PHACTR3: variants seen among roughly 807,000 people sequenced by gnomAD.
PHACTR3 encodes protein phosphatase 1, regulatory subunit 123.
A neutral mutation model predicts 66.8 loss-of-function variants in PHACTR3; 16 were observed. The observed-to-expected ratio is 0.24, with a 90% CI of 0.16 to 0.36. The LOEUF (loss-of-function observed/expected upper bound fraction) is 0.36. Ranked by LOEUF, PHACTR3 falls within the 10% of genes least tolerant of loss-of-function variation. The pLI, the probability that PHACTR3 is intolerant of heterozygous loss-of-function variation, is 1.00. For synonymous variants in PHACTR3, 323 were observed against 292.1 expected (o/e 1.11, Z -1.08); for missense variants, 647 against 719.9 (o/e 0.90, Z 1.16).
chr20:59,802,171 G>A (rs1464289384), intron 7 of PHACTR3, among the ~76,000 whole-genome samples: 5 of 152,190 alleles, frequency 3.3e-5, no homozygotes, highest in African/African-American at 9.6e-5. Context: ...GGTGAAGAAA[G>A]CTGAATGTGC....
In PHACTR3 at chr20:59,688,895, G is replaced by A. The variant is rs540637164; in HGVS notation, c.119-54212G>A. Among the ~76,000 whole-genome samples, 5 of 152,248 alleles carry A rather than the reference G, an allele frequency of 3.3e-5. No individual in the cohort carries two copies. In the East Asian group the frequency reaches 5.8e-4, roughly 18 times the overall value. On this transcript the variant is annotated intron_variant, in intron 1 of 12. Transcript: ENST00000371015. ...GTTGTAGGAAGTAAGCTTTGTTCTC[G>A]TGGGCTTGGGCTGGGCAACGCTGTG...
intron 1 of PHACTR3, among the ~76,000 whole-genome samples, chr20:59,730,359 C>T (rs1406723227): frequency 1.3e-5 from 2 of 152,132 alleles, no homozygotes; most frequent in Non-Finnish European, 2.9e-5. Context: ...TGGGAAAGCA[C>T]TTAATGAGCG....
chr20:59,723,540 A>G (rs1296603931), intron 1 of PHACTR3, among the ~76,000 whole-genome samples: 3 of 152,116 alleles, frequency 2.0e-5, no homozygotes, highest in Non-Finnish European at 4.4e-5. Flanking sequence ...CTTTGTGTCT[A>G]TTATGAGTAG....
intron 1 of PHACTR3, among the ~76,000 whole-genome samples, chr20:59,737,346 G>T (rs539698838): frequency 3.3e-5 from 5 of 152,288 alleles, no homozygotes; most frequent in South Asian, 4.2e-4. Flanking sequence ...CCCCTGGCAC[G>T]TGCCTGAGCT....
chr20:59,809,536 T>C (rs1427354710), intron 8 of PHACTR3, among the ~76,000 whole-genome samples: 1 of 152,242 alleles, frequency 6.6e-6, no homozygotes, highest in Non-Finnish European at 1.5e-5. Context: ...TTTAGGAGTT[T>C]ACTTTTGAAG....
At chr20:59,761,134 A>G (rs554488194) in intron 4 of PHACTR3, among the ~76,000 whole-genome samples, 1 of 152,270 alleles carries the variant, frequency 6.6e-6, no homozygotes, top group Admixed American at 6.5e-5. Flanking sequence ...TGCAGGCTTC[A>G]GGTCAGATAC....
chr20:59,726,760 C>T (rs1441316025), intron 1 of PHACTR3, among the ~76,000 whole-genome samples: 3 of 152,024 alleles, frequency 2.0e-5, no homozygotes, highest in Non-Finnish European at 2.9e-5. Context: ...ATGCTGTTGA[C>T]GGTTTGGATA....
chr20:59,684,852 G>T (rs556525740), intron 1 of PHACTR3, among the ~76,000 whole-genome samples: 1 of 152,306 alleles, frequency 6.6e-6, no homozygotes, highest in Admixed American at 6.5e-5. Flanking sequence ...AACACAAACT[G>T]CTGGGCTCCA....
chr20:59,756,835 C>A (rs2039813050), intron 4 of PHACTR3, among the ~76,000 whole-genome samples: 1 of 152,164 alleles, frequency 6.6e-6, no homozygotes, highest in South Asian at 2.1e-4. Context: ...CCCCACCAAG[C>A]AATGGCAACA....
intron 8 of PHACTR3, among the ~76,000 whole-genome samples, chr20:59,831,972 G>A (rs192341335): frequency 1.3e-3 from 202 of 152,304 alleles, no homozygotes; most frequent in African/African-American, 4.7e-3. Context: ...GCGACTGTGT[G>A]TCAGGGCAGG....
chr20:59,624,725 CT>C (rs1568941654), intron 1 of PHACTR3, among the ~76,000 whole-genome samples: 1 of 152,080 alleles, frequency 6.6e-6, no homozygotes, highest in African/African-American at 2.4e-5. Context: ...CTGGAGCCCC[CT>C]AACTCAGTCT....
intron 1 of PHACTR3, among the ~76,000 whole-genome samples, chr20:59,663,971 A>G (rs564330494): frequency 3.8e-4 from 58 of 152,354 alleles, no homozygotes; most frequent in African/African-American, 1.3e-3. Flanking sequence ...ATGTTGATGC[A>G]TATTGAAACG....
chr20:59,613,973 A>G (rs1220103287), intron 1 of PHACTR3, among the ~76,000 whole-genome samples: 1 of 152,240 alleles, frequency 6.6e-6, no homozygotes, highest in Non-Finnish European at 1.5e-5. Context: ...CTCTTGTTAT[A>G]AAAGGAGCCA....
intron 1 of PHACTR3, among the ~76,000 whole-genome samples, chr20:59,649,853 T>A (rs1332331745): frequency 6.6e-6 from 1 of 152,186 alleles, no homozygotes; most frequent in Admixed American, 6.5e-5. Flanking sequence ...GGTTCCTGTT[T>A]TTTGCCCTGA....
intron 1 of PHACTR3, among the ~76,000 whole-genome samples, chr20:59,646,041 C>T (rs956471684): frequency 1.2e-4 from 19 of 152,166 alleles, no homozygotes; most frequent in African/African-American, 2.4e-4. Flanking sequence ...TGCCCAGTCC[C>T]GTGGGCAGTT....
chr20:59,723,060 C>CTTTCTCTT (rs1555823459), intron 1 of PHACTR3, among the ~76,000 whole-genome samples: 2 of 118,664 alleles, frequency 1.7e-5, no homozygotes, highest in Admixed American at 9.0e-5. Flanking sequence ...TTCTTTCTTT[C>CTTTCTCTT]TCTTTCTTTC....
chr20:59,774,646 T>C (rs1217299290), intron 7 of PHACTR3, among the ~76,000 whole-genome samples, 156 bp downstream of exon 7: 1 of 151,880 alleles, frequency 6.6e-6, no homozygotes, highest in Non-Finnish European at 1.5e-5. Flanking sequence ...GGAAATGAGC[T>C]TCTCCTGAAA....
chr20:59,638,384 A>T (rs1470885936), intron 1 of PHACTR3, among the ~76,000 whole-genome samples: 2 of 143,324 alleles, frequency 1.4e-5, no homozygotes, highest in Non-Finnish European at 3.2e-5. Flanking sequence ...TGGTGGATGG[A>T]TGGATGGATG....
chr20:59,692,890 G>C (rs776718038), intron 1 of PHACTR3, among the ~76,000 whole-genome samples: 10 of 152,228 alleles, frequency 6.6e-5, no homozygotes, highest in Non-Finnish European at 1.2e-4. Context: ...TTGGGGCATT[G>C]TCTGGCACTG....
Sources: allele counts gnomAD v4.1 joint callset (sites outside exome capture counted in the v4.1 genomes callset), GRCh38; gene constraint gnomAD v4.1.1; transcripts MANE v1.5; gene names NCBI Gene and HGNC (gene_info 2026-07-23, HGNC 2026-07-21).